Variants in DYNC2I1 observed in about 807,000 individuals in gnomAD.
DYNC2I1 encodes cytoplasmic dynein 2 intermediate chain 1.
DYNC2I1 carries 89 observed loss-of-function variants against 133.4 expected under a neutral mutation model. The observed-to-expected ratio is 0.67, with a 90% CI of 0.56 to 0.80. DYNC2I1 has a LOEUF of 0.80. Among genes scored for constraint, DYNC2I1 ranks in the 30% least tolerant of loss-of-function variants. The probability of loss-of-function intolerance (pLI) is 0.00; values close to 1 mark genes in which losing one functional copy is unlikely to be tolerated. For missense variants in DYNC2I1, 1,291 were observed against 1,314.5 expected (o/e 0.98, Z 0.28); for synonymous variants, 504 against 484.3 (o/e 1.04, Z -0.54).
chr7:158,923,159 C>T (rs1397722129), intron 16 of DYNC2I1, among the ~76,000 whole-genome samples: 1 of 152,184 alleles, frequency 6.6e-6, no homozygotes, highest in Non-Finnish European at 1.5e-5. Flanking sequence ...TGGCCTCAAA[C>T]CCATTGATTT....
chr7:158,884,219 A>AT (rs1844370826), intron 5 of DYNC2I1, among the ~76,000 whole-genome samples: 1 of 151,020 alleles, frequency 6.6e-6, no homozygotes, highest in Non-Finnish European at 1.5e-5. Context: ...TAATTTTTGT[A>AT]TTTTTAGTAG....
chr7:158,874,034 T>C (rs1843117282), intron 3 of DYNC2I1, among the ~76,000 whole-genome samples: 1 of 151,924 alleles, frequency 6.6e-6, no homozygotes, highest in Non-Finnish European at 1.5e-5. Context: ...ACTAGGATTA[T>C]AGGCGTCAGC....
rs766659917 is a variant in DYNC2I1, at chr7:158,914,760, T to C, written c.1791+439T>C. The stretch of plus-strand genomic sequence containing the variant: ...TGTGAAGCTACAGGTACTTTAGTGG[T>C]TATCACCTCATGGCTGTGGGTCTCG... On this transcript the variant is annotated intron_variant, in intron 14 of 24. Transcript: ENST00000407559. Among the ~76,000 whole-genome samples the C allele has an allele frequency of 8.5e-5, 13 of 152,222 alleles. 1 individual carries two copies. The highest frequency in any genetic ancestry group is 2.2e-4 in the African/African-American group (9 of 41,454).
In DYNC2I1 at chr7:158,871,560, C is replaced by T. The variant is rs1033336931; in HGVS notation, c.488C>T (p.Ser163Leu). The T allele has an allele frequency of 6.5e-7, 1 of 1,531,770 alleles. No homozygotes were observed. The highest frequency in any genetic ancestry group is 1.4e-5 in the African/African-American group (1 of 72,338). 94.9% of individuals were successfully genotyped at this position (1,531,770 alleles called of 1,614,324 possible). A position where few individuals can be genotyped will look rare whatever the true frequency, so the allele number is the denominator to read the frequency against. The change falls in exon 3 of 25, where the codon TCA becomes TTA. Residue 163 changes from serine to leucine, a missense_variant and splice_region_variant. Coordinates refer to ENST00000407559, the MANE Select transcript of DYNC2I1 (RefSeq NM_018051.5). ...GAGCGGGCGGAGAGGAAAGGCCGCTCAGGTGGGTCCCCGCTTGCCTTCCTG... is the reference window on the plus strand; with the variant it reads ...GAGCGGGCGGAGAGGAAAGGCCGCTTAGGTGGGTCCCCGCTTGCCTTCCTG... ...LLERAERKGRSVSKVRSEEKD... is the reference protein window; with the variant it reads ...LLERAERKGRLVSKVRSEEKD...
downstream of DYNC2I1, among the ~76,000 whole-genome samples, chr7:158,957,841 T>C (rs1852237934): frequency 6.6e-6 from 1 of 152,086 alleles, no homozygotes; most frequent in Non-Finnish European, 1.5e-5. Context: ...TTTAGCTACG[T>C]GCTGTATCAG....
chr7:158,845,052 T>A, the DYNC2I1 span, among the ~76,000 whole-genome samples: 1 of 152,178 alleles, frequency 6.6e-6, no homozygotes, highest in South Asian at 2.1e-4. Flanking sequence ...AAAGTTAACA[T>A]GAATAATTCT....
At chr7:158,878,378 C>T (rs1379121956) in intron 4 of DYNC2I1, among the ~76,000 whole-genome samples, 3 of 116,806 alleles carry the variant, frequency 2.6e-5, no homozygotes, top group Admixed American at 1.7e-4. Context: ...CCAGGAGGGC[C>T]GACTGTGAAT....
At chr7:158,869,971 CT>C in intron 2 of DYNC2I1, 63 bp downstream of exon 2, 2 of 1,408,804 alleles carry the variant, frequency 1.4e-6, no homozygotes, top group Non-Finnish European at 2.0e-6. Context: ...CTTGGACCTG[CT>C]TTACCTGGTA....
At chr7:158,863,617 G>C (rs1450578960) in intron 1 of DYNC2I1, among the ~76,000 whole-genome samples, 2 of 125,718 alleles carry the variant, frequency 1.6e-5, no homozygotes, top group Non-Finnish European at 1.7e-5. Flanking sequence ...CCTTAGCTCC[G>C]GGTGTGTTTG....
chr7:158,936,885 C>T (rs1850809593), intron 23 of DYNC2I1, among the ~76,000 whole-genome samples: 1 of 152,192 alleles, frequency 6.6e-6, no homozygotes, highest in South Asian at 2.1e-4. Flanking sequence ...AGCAACCTAG[C>T]AGAGAAGATT....
At chr7:158,871,020 C>T in intron 2 of DYNC2I1, 122 bp from the exon 3 acceptor site, 1 of 1,126,310 alleles carries the variant, frequency 8.9e-7, no homozygotes, top group Non-Finnish European at 1.2e-6. Context: ...GATTGGAAAG[C>T]AGTTGAATGC....
At chr7:158,860,412 A>G (rs981910047) in intron 1 of DYNC2I1, among the ~76,000 whole-genome samples, 3 of 152,160 alleles carry the variant, frequency 2.0e-5, no homozygotes, top group Admixed American at 1.3e-4. Flanking sequence ...GTTTCATTGT[A>G]CTTAGTTGCT....
At chr7:158,889,036 TACAC>T (rs71200077) in intron 7 of DYNC2I1, among the ~76,000 whole-genome samples, 27,348 of 141,120 alleles carry the variant, frequency 0.19, 3,163 homozygotes, top group East Asian at 0.6. Context: ...TTTAAACATT[TACAC>T]ACACACACAC....
intron 16 of DYNC2I1, among the ~76,000 whole-genome samples, chr7:158,923,235 T>C (rs1273021163): frequency 6.6e-6 from 1 of 152,156 alleles, no homozygotes; most frequent in African/African-American, 2.4e-5. Context: ...GTAAATAAAA[T>C]GGCGCAGGAT....
chr7:158,928,257 A>G (rs149679911), intron 20 of DYNC2I1, among the ~76,000 whole-genome samples: 28 of 150,988 alleles, frequency 1.9e-4, no homozygotes, highest in Non-Finnish European at 3.2e-4. Flanking sequence ...TGTGGTTGAG[A>G]TTAGCCCATG....
At position 158,927,048 on chromosome 7, in the gene DYNC2I1, C is replaced by G. The variant is rs771294563; in HGVS notation, c.2485+5C>G. On this transcript the variant is annotated splice_donor_5th_base_variant and intron_variant, in intron 20 of 24. Transcript: ENST00000407559. The stretch of plus-strand genomic sequence containing the variant: ...CAGGTTCAATAAGTGATTTAGGTAA[C>G]TATTAAGTAAAAAAATTAATTTTAG... The G allele has an allele frequency of 1.3e-6, 2 of 1,584,344 alleles. No homozygotes were observed. The highest frequency in any genetic ancestry group is 1.7e-6 in the Non-Finnish European group (2 of 1,162,318).
rs532829538 is a variant in DYNC2I1 at position 158,910,926 on chromosome 7, C to T, written c.1461-624C>T. ...CTGTGTCAGGCCTGTGGGAGGAGTG[C>T]GATTGGCTGTGTCAGGCTTGTGGGC... On this transcript the variant is annotated intron_variant, in intron 11 of 24. Transcript: ENST00000407559. 4.2e-5 allele frequency among the ~76,000 whole-genome samples: 6 copies of T among 143,822 alleles called. No individual in the cohort carries two copies. In the South Asian group the frequency reaches 1.3e-3, roughly 31 times the overall value. The allele number at this position is 143,822 out of a possible 152,430, so 94.4% of individuals were successfully genotyped here. A position where few individuals can be genotyped will look rare whatever the true frequency, so the allele number is the denominator to read the frequency against.
chr7:158,879,954 T>C lies in DYNC2I1; in HGVS notation c.844T>C (p.Ser282Pro). The C allele has an allele frequency of 6.2e-7, 1 of 1,602,772 alleles. No homozygotes were observed. The highest frequency in any genetic ancestry group is 8.5e-7 in the Non-Finnish European group (1 of 1,177,034). Residue 282 changes from serine to proline, a missense_variant, in exon 5 of 25, where the codon TCG (serine) becomes CCG (proline). Coordinates refer to ENST00000407559, the MANE Select transcript of DYNC2I1 (RefSeq NM_018051.5). Reference sequence around the variant, plus strand: ...AAGCAACGTGGATAGAAAAGAGAAATCGGCAAAAGATGAGCCCAGGAAAAG... The same window carrying C: ...AAGCAACGTGGATAGAAAAGAGAAACCGGCAAAAGATGAGCCCAGGAAAAG... ...HQSNVDRKEK[S>P]AKDEPRKRES...
At chr7:158,870,880 C>T (rs993304283) in intron 2 of DYNC2I1, among the ~76,000 whole-genome samples, 6 of 152,030 alleles carry the variant, frequency 3.9e-5, no homozygotes, top group African/African-American at 1.2e-4. Context: ...ATTTGATTTG[C>T]CGATCAGTGT....
Sources: allele counts gnomAD v4.1 joint callset (sites outside exome capture counted in the v4.1 genomes callset), GRCh38; gene constraint gnomAD v4.1.1; transcripts MANE v1.5; gene names NCBI Gene and HGNC (gene_info 2026-07-23, HGNC 2026-07-21).